GLIS1: variants seen among roughly 807,000 people sequenced by gnomAD.
GLIS1 encodes GLIS family zinc finger 1.
In GLIS1, 24 loss-of-function variants were observed where a neutral mutation model predicts 63.8. The ratio of observed to expected loss-of-function variants is 0.38; its 90% confidence interval spans 0.27 to 0.53. GLIS1 has a LOEUF of 0.53. GLIS1 is among the 20% of genes least tolerant of loss of function. GLIS1 has a pLI of 0.85. For synonymous variants in GLIS1, 450 were observed against 482.5 expected, an observed-to-expected ratio of 0.93 and a Z score of 0.88; for missense variants, 1,036 against 1,074.1, an observed-to-expected ratio of 0.96 and a Z score of 0.50.
At chr1:53,580,705 G>A (rs943095344) in intron 4 of GLIS1, among the ~76,000 whole-genome samples, 2 of 151,844 alleles carry the variant, frequency 1.3e-5, no homozygotes, top group Middle Eastern at 3.4e-3. Flanking sequence ...AAACATGGAC[G>A]AAAGCCTTAG....
chr1:53,636,680 C>G (rs1335885029), intron 2 of GLIS1, among the ~76,000 whole-genome samples: 1 of 152,328 alleles, frequency 6.6e-6, no homozygotes, highest in East Asian at 1.9e-4. Context: ...CCAGCCCACT[C>G]ATCACTGTCA....
At chr1:53,551,036 A>G (rs1644753915) in intron 4 of GLIS1, among the ~76,000 whole-genome samples, 1 of 151,994 alleles carries the variant, frequency 6.6e-6, no homozygotes, top group South Asian at 2.1e-4. Context: ...TTTTTAGTAG[A>G]GATGGGGTTT....
chr1:53,618,687 A>G (rs1331387226), intron 2 of GLIS1, among the ~76,000 whole-genome samples: 1 of 152,206 alleles, frequency 6.6e-6, no homozygotes, highest in Non-Finnish European at 1.5e-5. Context: ...GGGCTGATGA[A>G]GGGCAGCCCA....
At chr1:53,687,567 C>T (rs770936708) in intron 2 of GLIS1, among the ~76,000 whole-genome samples, 12 of 152,244 alleles carry the variant, frequency 7.9e-5, no homozygotes, top group South Asian at 2.1e-4. Flanking sequence ...CCCCTGCTGT[C>T]GGGTGGTTCT....
intron 2 of GLIS1, among the ~76,000 whole-genome samples, chr1:53,636,098 G>A (rs759209960): frequency 6.6e-6 from 1 of 152,112 alleles, no homozygotes; most frequent in Admixed American, 6.6e-5. Context: ...ACTGTATAAG[G>A]CTAGGAAAAC....
intron 2 of GLIS1, among the ~76,000 whole-genome samples, chr1:53,626,249 G>C (rs1031743322): frequency 6.6e-5 from 10 of 152,200 alleles, no homozygotes; most frequent in African/African-American, 2.4e-4. Context: ...TCCAGCTAGA[G>C]TCACATAAAT....
At chr1:53,534,796 G>A (rs975207177) in intron 4 of GLIS1, among the ~76,000 whole-genome samples, 7 of 151,992 alleles carry the variant, frequency 4.6e-5, no homozygotes, top group African/African-American at 1.5e-4. Context: ...GCCCCTCTGT[G>A]TGCCTGGCAG....
At chr1:53,507,503 C>T (rs781265607) in intron 10 of GLIS1, among the ~76,000 whole-genome samples, 2 of 152,226 alleles carry the variant, frequency 1.3e-5, no homozygotes, top group Non-Finnish European at 2.9e-5. Context: ...GTGATCTTCT[C>T]CAGCCCCTGC....
intron 2 of GLIS1, among the ~76,000 whole-genome samples, chr1:53,651,115 C>T (rs6685730): frequency 0.56 from 84,470 of 152,110 alleles, 24,553 homozygotes; most frequent in Middle Eastern, 0.64. Flanking sequence ...AGTTTAAGTG[C>T]ATCGTATGCT....
intron 2 of GLIS1, among the ~76,000 whole-genome samples, chr1:53,680,949 A>C (rs1172698586): frequency 6.6e-6 from 1 of 152,250 alleles, no homozygotes; most frequent in Non-Finnish European, 1.5e-5. Flanking sequence ...ACATGTGGCC[A>C]CTGCCCAACA....
rs576430375 is a variant in GLIS1, at chr1:53,594,656, A to C, written c.772T>G (p.Ser258Ala). 3 of 1,554,704 alleles carry C rather than the reference A, an allele frequency of 1.9e-6. No homozygotes were observed. The highest frequency in any genetic ancestry group is 2.6e-6 in the Non-Finnish European group (3 of 1,147,190). The change falls in exon 4 of 11, where the codon TCC becomes GCC. Residue 258 changes from serine (S) to alanine (A), a missense_variant. Transcript: ENST00000628545. ...CGGATGATGGAGGTGACGTCGGAGG[A>C]GGCACAGGGTGAGGAGGAGGCTGGG... is the stretch of plus-strand genomic sequence containing the variant. Reference protein sequence around the residue: ...TSPASSSPCASSDVTSIIRSS... With the variant: ...TSPASSSPCAASDVTSIIRSS...
intron 2 of GLIS1, among the ~76,000 whole-genome samples, chr1:53,611,514 C>T (rs1326753447): frequency 6.6e-6 from 1 of 152,160 alleles, no homozygotes; most frequent in Non-Finnish European, 1.5e-5. Context: ...TGACAGAATG[C>T]TCAATATTGT....
chr1:53,724,349 C>G (rs1646785371), intron 2 of GLIS1, among the ~76,000 whole-genome samples: 1 of 152,200 alleles, frequency 6.6e-6, no homozygotes, highest in East Asian at 1.9e-4. Context: ...TTTGCAGTTT[C>G]CAATATGGTA....
At chr1:53,659,096 T>C (rs1645999183) in intron 2 of GLIS1, among the ~76,000 whole-genome samples, 1 of 152,180 alleles carries the variant, frequency 6.6e-6, no homozygotes. Context: ...CATCTGGGCC[T>C]CAGAGGGTGC....
Position 53,625,787 on chromosome 1 carries a change from C to G in GLIS1, c.260-25509G>C, listed in dbSNP as rs72896733. ...AACCCATACTTAATTCCCAATCCCCCCTTCAGGTCAATCCATCCGTCTACA... is the reference window on the plus strand; with the variant it reads ...AACCCATACTTAATTCCCAATCCCCGCTTCAGGTCAATCCATCCGTCTACA... On this transcript the variant is annotated intron_variant, in intron 2 of 10. Coordinates refer to ENST00000628545, the MANE Select transcript of GLIS1 (RefSeq NM_001367484.1). 4.9e-3 allele frequency among the ~76,000 whole-genome samples: 751 copies of G among 152,342 alleles called. 7 individuals are homozygous for G. Among genetic ancestry groups the G allele is most frequent in the African/African-American group, 0.016 (670 of 41,574 alleles).
chr1:53,518,273 G>A (rs910974361), intron 7 of GLIS1, among the ~76,000 whole-genome samples: 8 of 152,172 alleles, frequency 5.3e-5, no homozygotes, highest in African/African-American at 9.7e-5. Flanking sequence ...AGGGAGGTGC[G>A]GGCTCTGGTT....
chr1:53,669,996 G>A (rs1646135040), intron 2 of GLIS1, among the ~76,000 whole-genome samples: 1 of 152,222 alleles, frequency 6.6e-6, no homozygotes, highest in South Asian at 2.1e-4. Flanking sequence ...AAGTGGGACA[G>A]ACTCCGTGAC....
chr1:53,526,188 T>A lies in GLIS1; in HGVS notation c.1483-1301A>T, dbSNP rs1440502458. 6.6e-6 allele frequency among the ~76,000 whole-genome samples: 1 copy of A among 152,126 alleles called. No individual in the cohort carries two copies. The highest frequency in any genetic ancestry group is 1.5e-5 in the Non-Finnish European group (1 of 68,012). ...TCAGAGTGAGTGCCAGGGACTGCCA[T>A]GTCCTGCCAGACACACCCACGTGGA... On this transcript the variant is annotated intron_variant, in intron 5 of 10. Transcript: ENST00000628545. The surrounding 1 kb of genome is among the most constrained non-coding windows in gnomAD (Gnocchi z 4.4).
At chr1:53,649,301 A>C (rs1645880608) in intron 2 of GLIS1, among the ~76,000 whole-genome samples, 1 of 152,228 alleles carries the variant, frequency 6.6e-6, no homozygotes, top group South Asian at 2.1e-4. Context: ...TGCAGTATTA[A>C]ATCATAGCTG....
Sources: allele counts gnomAD v4.1 joint callset (sites outside exome capture counted in the v4.1 genomes callset), GRCh38; gene constraint gnomAD v4.1.1; non-coding constraint Gnocchi (gnomAD v3.1); transcripts MANE v1.5; gene names NCBI Gene and HGNC (gene_info 2026-07-23, HGNC 2026-07-21).